LAMB4: variants seen among roughly 807,000 people sequenced by gnomAD.
LAMB4 encodes the protein laminin subunit beta-4.
Under a neutral mutation model 199.2 loss-of-function variants are expected in LAMB4, and 196 were observed. The ratio of observed to expected loss-of-function variants is 0.98; its 90% CI spans 0.88 to 1.11. The LOEUF is 1.11. Ranked by LOEUF, LAMB4 falls within the 50% of genes least tolerant of loss-of-function variation. The probability of loss-of-function intolerance (pLI) is 0.00; values close to 1 mark genes in which losing one functional copy is unlikely to be tolerated. For missense variants in LAMB4, 2,080 were observed against 2,171.2 expected (o/e 0.96, Z 0.83); for synonymous variants, 744 against 770.6 (o/e 0.97, Z 0.57).
At position 108,091,584 on chromosome 7, in the gene LAMB4, T is replaced by C. The variant is rs534846877; in HGVS notation, c.1701+42A>G. 3.8e-6 allele frequency: 6 copies of C among 1,586,480 alleles called. No homozygotes were observed. In the African/African-American group the frequency reaches 6.7e-5, roughly 18 times the overall value. ...TGTGCTCTGTGTGTTTACTGACATA[T>C]CATCAAACACAGTCTGTAGGGAAAG... On this transcript the variant is annotated intron_variant, in intron 14 of 33. Transcript: ENST00000388781.
At chr7:108,103,569 T>C (rs2037892431) in intron 9 of LAMB4, among the ~76,000 whole-genome samples, 1 of 152,236 alleles carries the variant, frequency 6.6e-6, no homozygotes, top group Non-Finnish European at 1.5e-5. Flanking sequence ...TTTTACTGAC[T>C]TATGCTTTGT....
intron 20 of LAMB4, 49 bp from the exon 21 acceptor site, chr7:108,065,968 A>C: frequency 1.3e-6 from 2 of 1,545,198 alleles, no homozygotes; most frequent in East Asian, 4.5e-5. Context: ...AAAAGATCAC[A>C]TGTTAGCCAA....
intron 30 of LAMB4, among the ~76,000 whole-genome samples, chr7:108,034,960 G>A (rs911266892): frequency 6.6e-6 from 1 of 152,184 alleles, no homozygotes; most frequent in East Asian, 1.9e-4. Context: ...AGAATGTACC[G>A]AGGGAGTGAA....
At chr7:108,079,508 G>T in intron 15 of LAMB4, 93 bp downstream of exon 15, 1 of 1,069,170 alleles carries the variant, frequency 9.4e-7, no homozygotes, top group South Asian at 1.7e-5. Context: ...ATCCTTTTCT[G>T]ATGAACCTAT....
chr7:108,109,727 TG>T (rs1186558187), intron 4 of LAMB4, among the ~76,000 whole-genome samples: 2 of 152,198 alleles, frequency 1.3e-5, no homozygotes, highest in Non-Finnish European at 2.9e-5. Context: ...CCCCTTGGAG[TG>T]GGGACCTGTG....
At position 108,056,070 on chromosome 7, in the gene LAMB4, G is replaced by A. The variant is rs150102026; in HGVS notation, c.3380-63C>T. 208 of 1,458,054 alleles carry A rather than the reference G, an allele frequency of 1.4e-4. No individual in the cohort carries two copies. The African/African-American group carries it at 2.7e-3, about 19-fold the overall frequency. The allele number at this position is 1,458,054 out of a possible 1,614,324, so 90.3% of individuals were successfully genotyped here. On this transcript the variant is annotated intron_variant, in intron 24 of 33. Transcript: ENST00000388781. ...GGCCTTTTGTTGATGACTAACTCAA[G>A]AATCAGGTCTTTTCCTCTCTCCTGA...
chr7:108,087,411 C>T (rs1192885914), intron 14 of LAMB4, among the ~76,000 whole-genome samples: 2 of 152,230 alleles, frequency 1.3e-5, no homozygotes, highest in Non-Finnish European at 1.5e-5. Flanking sequence ...CCAACATACT[C>T]ATTTGTGCAT....
chr7:108,079,693 C>T lies in LAMB4; in HGVS notation c.1795G>A (p.Ala599Thr). ...AAGCCAGCCCCAGGGAGAACCCTGGCAAATCCAGGTCCAGTCCATGTAACA... is the reference window on the plus strand; with the variant it reads ...AAGCCAGCCCCAGGGAGAACCCTGGTAAATCCAGGTCCAGTCCATGTAACA... ...NPVTWTGPGF[A>T]RVLPGAGLRF... Residue 599 changes from alanine to threonine, a missense_variant, in exon 15 of 34, where the codon GCC becomes ACC. By Grantham distance (58) the Ala-to-Thr change is moderately conservative. Coordinates refer to ENST00000388781, the MANE Select transcript of LAMB4 (RefSeq NM_007356.3). 3.1e-6 allele frequency: 5 copies of T among 1,613,016 alleles called. No homozygotes were observed. The highest frequency in any genetic ancestry group is 4.2e-6 in the Non-Finnish European group (5 of 1,179,608).
chr7:108,063,696 T>C, intron 22 of LAMB4, 65 bp downstream of exon 22: 1 of 1,384,846 alleles, frequency 7.2e-7, no homozygotes. Flanking sequence ...ATGGGAGAGC[T>C]GACAACACAC....
At position 108,063,827 on chromosome 7, in the gene LAMB4, G is replaced by C. The variant is rs776326721; in HGVS notation, c.2995C>G (p.Gln999Glu). The C allele has an allele frequency of 1.9e-5, 30 of 1,614,214 alleles. No individual in the cohort carries two copies. The highest frequency in any genetic ancestry group is 2.5e-5 in the Non-Finnish European group (30 of 1,180,044). Reference protein sequence around the residue: ...GECLRCLHNTQGANCQLCKPG... With the variant: ...GECLRCLHNTEGANCQLCKPG... ...TTGCAGAGCTGGCAGTTTGCGCCCT[G>C]AGTGTTGTGCAAACATCGAAGGCAC... The change falls in exon 22 of 34, where the codon CAG (glutamine) becomes GAG (glutamate). Residue 999 changes from glutamine (Q) to glutamate (E), a missense_variant. Transcript: ENST00000388781.
chr7:108,103,634 A>C (rs1195004104), intron 9 of LAMB4, among the ~76,000 whole-genome samples: 1 of 152,224 alleles, frequency 6.6e-6, no homozygotes, highest in South Asian at 2.1e-4. Context: ...CCTAGAGAAG[A>C]CGGCAGAGGA....
chr7:108,025,185 G>C (rs193281201), intron 33 of LAMB4, among the ~76,000 whole-genome samples: 1 of 152,184 alleles, frequency 6.6e-6, no homozygotes, highest in Admixed American at 6.5e-5. Context: ...TATCTGAAGG[G>C]CCAACCTAGG....
At chr7:108,092,218 T>A (rs1271932709) in intron 13 of LAMB4, 119 bp downstream of exon 13, 1 of 723,950 alleles carries the variant, frequency 1.4e-6, no homozygotes, top group Non-Finnish European at 2.4e-6. Context: ...GTAGTTAATG[T>A]CTCAAGATCA....
intron 30 of LAMB4, among the ~76,000 whole-genome samples, chr7:108,035,660 T>A (rs1366933166): frequency 2.1e-5 from 3 of 141,528 alleles, no homozygotes; most frequent in East Asian, 4.2e-4. Context: ...ATACCAGTAA[T>A]CTTGCCATCT....
At chr7:108,090,525 T>C (rs1320609669) in intron 14 of LAMB4, among the ~76,000 whole-genome samples, 1 of 152,164 alleles carries the variant, frequency 6.6e-6, no homozygotes, top group African/African-American at 2.4e-5. Context: ...ATCAGCATTG[T>C]TTCAGATGCT....
intron 30 of LAMB4, among the ~76,000 whole-genome samples, 167 bp downstream of exon 30, chr7:108,037,221 C>G (rs2035261085): frequency 6.6e-6 from 1 of 152,154 alleles, no homozygotes; most frequent in South Asian, 2.1e-4. Context: ...CCGAGTCACT[C>G]AGCTTCCCGG....
chr7:108,124,440 A>T (rs1233718623), intron 1 of LAMB4, among the ~76,000 whole-genome samples: 1 of 152,180 alleles, frequency 6.6e-6, no homozygotes, highest in Admixed American at 6.5e-5. Flanking sequence ...TGTGCATATA[A>T]CCATATATGT....
rs1554453974 is a variant in LAMB4, at chr7:108,126,554, C to CTTTCTTTTTT, written c.-33-3358_-33-3357insAAAAAAGAAA. Among the ~76,000 whole-genome samples, 3 of 83,532 alleles carry CTTTCTTTTTT rather than the reference C, an allele frequency of 3.6e-5. No homozygotes were observed. In the Admixed American group the frequency reaches 6.2e-4, roughly 17 times the overall value. The allele number at this position is 83,532 out of a possible 152,430, so 54.8% of individuals were successfully genotyped here. ...TTGTAGGATGTGTCAGAATTTCTTTCTTTTTTTTTTTTTTTTTTTTTGAGA... is the reference window on the plus strand; with the variant it reads ...TTGTAGGATGTGTCAGAATTTCTTTCTTTCTTTTTTTTTTTTTTTTTTTTTTTTTTTGAGA... On this transcript the variant is annotated intron_variant, in intron 1 of 33. Transcript: ENST00000388781.
rs143571509 is a variant in LAMB4, at chr7:108,082,792, T to C, written c.1702-3006A>G. Reference sequence around the variant, plus strand: ...CCAAGACAGTACATAAAAACACTATTGCAAATCAGGGTCATCCTCAGAGTG... The same window carrying C: ...CCAAGACAGTACATAAAAACACTATCGCAAATCAGGGTCATCCTCAGAGTG... On this transcript the variant is annotated intron_variant, in intron 14 of 33. Coordinates refer to ENST00000388781, the MANE Select transcript of LAMB4 (RefSeq NM_007356.3). Among the ~76,000 whole-genome samples the C allele has an allele frequency of 5.9e-5, 9 of 152,280 alleles. No homozygotes were observed. In the East Asian group the frequency reaches 1.7e-3, roughly 29 times the overall value.
Sources: allele counts gnomAD v4.1 joint callset (sites outside exome capture counted in the v4.1 genomes callset), GRCh38; gene constraint gnomAD v4.1.1; transcripts MANE v1.5; gene names NCBI Gene and HGNC (gene_info 2026-07-23, HGNC 2026-07-21).